The following PRKG1 variants were observed in gnomAD, a reference collection of about 807,000 sequenced individuals.
PRKG1 encodes cGMP-dependent protein kinase 1.
PRKG1 carries 35 observed loss-of-function variants against 88.1 expected under a neutral mutation model. The ratio of observed to expected loss-of-function variants is 0.40; its 90% CI spans 0.30 to 0.53. The LOEUF (loss-of-function observed/expected upper bound fraction) is 0.53, where lower values mean the gene tolerates loss of function less well. Among genes scored for constraint, PRKG1 ranks in the 20% least tolerant of loss-of-function variants. The pLI, the probability that PRKG1 is intolerant of heterozygous loss-of-function variation, is 0.59. For synonymous variants in PRKG1, 303 were observed against 292.5 expected, an observed-to-expected ratio of 1.04 and a Z score of -0.37; for missense variants, 540 against 839.8, an observed-to-expected ratio of 0.64 and a Z score of 4.41.
rs1328644555 is a variant in PRKG1, at chr10:50,999,700, GC to G, written c.266+8058del. On this transcript the variant is annotated intron_variant, in intron 1 of 17. Coordinates refer to the PRKG1 transcript ENST00000401604. ...TATTGTCTAATAAGCAAATCTATAA[GC>G]CTTTGGGTAAATGTTAATATTTTTC... Among the ~76,000 whole-genome samples, 10 of 152,268 alleles carry G rather than the reference GC, an allele frequency of 6.6e-5. No homozygotes were observed. In the South Asian group the frequency reaches 2.1e-3, roughly 32 times the overall value.
intron 5 of PRKG1, among the ~76,000 whole-genome samples, chr10:51,973,751 C>T (rs1384298438): frequency 4.6e-5 from 7 of 152,032 alleles, no homozygotes; most frequent in Admixed American, 4.6e-4. Context: ...AGATCAGAAA[C>T]ACATCACATA....
chr10:51,388,525 A>G (rs1056648829), intron 2 of PRKG1, among the ~76,000 whole-genome samples: 5 of 152,338 alleles, frequency 3.3e-5, no homozygotes, highest in Admixed American at 2.0e-4. Flanking sequence ...CCCTATGAAT[A>G]TGAGAATCAG....
At chr10:51,836,606 AG>A (rs1840137112) in intron 4 of PRKG1, among the ~76,000 whole-genome samples, 1 of 152,164 alleles carries the variant, frequency 6.6e-6, no homozygotes, top group African/African-American at 2.4e-5. Flanking sequence ...AGTGAGACAA[AG>A]GTCTATTTTC....
intron 3 of PRKG1, among the ~76,000 whole-genome samples, chr10:51,785,604 A>G (rs1323317374): frequency 6.6e-6 from 1 of 152,110 alleles, no homozygotes; most frequent in Non-Finnish European, 1.5e-5. Context: ...ACAAGATACC[A>G]GTAACATTAA....
chr10:51,905,948 C>A (rs75550618), intron 4 of PRKG1, among the ~76,000 whole-genome samples: 3,363 of 152,176 alleles, frequency 0.022, 93 homozygotes, highest in Admixed American at 0.065. Context: ...TTAATTCTAG[C>A]AGAGAAGACA....
intron 2 of PRKG1, among the ~76,000 whole-genome samples, chr10:51,180,063 C>A (rs957301652): frequency 6.6e-6 from 1 of 152,152 alleles, no homozygotes; most frequent in African/African-American, 2.4e-5. Context: ...TCAAATGAGA[C>A]CATAGTAATT....
In PRKG1 at chr10:52,139,694, G is replaced by A. The variant is rs1871074; in HGVS notation, c.1001+5789G>A. On this transcript the variant is annotated intron_variant, in intron 8 of 17. Transcript: ENST00000373980. ...GAGGTGCTATTGGTGTTTCTGATAA[G>A]CAACTTGGGATTGGGGGGTAAAGCT... Among the ~76,000 whole-genome samples, 980 of 152,180 alleles carry A rather than the reference G, an allele frequency of 6.4e-3. 32 individuals are homozygous for A. Among genetic ancestry groups the A allele is most frequent in the Admixed American group, 0.044 (671 of 15,262 alleles).
intron 2 of PRKG1, among the ~76,000 whole-genome samples, chr10:51,331,179 T>G (rs1440119267): frequency 1.3e-5 from 2 of 152,078 alleles, no homozygotes; most frequent in East Asian, 1.9e-4. Flanking sequence ...CACCCAGTAC[T>G]GGAACAAGCT....
At chr10:51,945,561 T>C (rs1843010141) in intron 5 of PRKG1, among the ~76,000 whole-genome samples, 1 of 152,014 alleles carries the variant, frequency 6.6e-6, no homozygotes, top group African/African-American at 2.4e-5. Flanking sequence ...CGATGGTCTT[T>C]ACAATTTGGC....
chr10:51,698,844 C>T, intron 3 of PRKG1: 1 of 1,614,166 alleles, frequency 6.2e-7, no homozygotes, highest in East Asian at 2.2e-5. Flanking sequence ...GGCTGAGGAG[C>T]TGGAGGATTC....
At chr10:51,557,523 T>C (rs1341773177) in intron 3 of PRKG1, among the ~76,000 whole-genome samples, 2 of 152,026 alleles carry the variant, frequency 1.3e-5, no homozygotes, top group African/African-American at 2.4e-5. Flanking sequence ...CATACACTCC[T>C]GGAATTTCAG....
At chr10:51,526,505 C>G (rs1841887361) in intron 3 of PRKG1, among the ~76,000 whole-genome samples, 1 of 152,078 alleles carries the variant, frequency 6.6e-6, no homozygotes. Flanking sequence ...CTGAGTCTAC[C>G]AAGACTTTTG....
At chr10:51,383,474 G>T (rs773063140) in intron 2 of PRKG1, among the ~76,000 whole-genome samples, 2 of 152,174 alleles carry the variant, frequency 1.3e-5, no homozygotes, top group Non-Finnish European at 2.9e-5. Flanking sequence ...AAGCCTATGA[G>T]GTAGGGGCTA....
chr10:51,055,737 C>CAA (rs144264152), intron 1 of PRKG1, among the ~76,000 whole-genome samples: 2 of 149,328 alleles, frequency 1.3e-5, no homozygotes, highest in African/African-American at 4.9e-5. Flanking sequence ...GACTCCGTCT[C>CAA]AAAAAAAAAA....
At chr10:51,071,244 G>T (rs10740130), upstream of PRKG1, among the ~76,000 whole-genome samples, 32,608 of 152,172 alleles carry the variant, frequency 0.21, 3,686 homozygotes, top group Admixed American at 0.26. Flanking sequence ...ACACTCAAAA[G>T]GTTGAGATGG....
At chr10:51,447,937 T>A (rs1337548338) in intron 2 of PRKG1, among the ~76,000 whole-genome samples, 2 of 152,070 alleles carry the variant, frequency 1.3e-5, no homozygotes, top group African/African-American at 4.8e-5. Context: ...TATGTATATG[T>A]AATCATTGTT....
intron 3 of PRKG1, chr10:51,695,847 T>G (rs904312319): frequency 1.3e-5 from 2 of 152,200 alleles, no homozygotes; most frequent in African/African-American, 4.8e-5. Context: ...ATTTCTACAT[T>G]TTCAGCTCTT....
intron 4 of PRKG1, among the ~76,000 whole-genome samples, chr10:51,851,084 T>G (rs6480508): frequency 0.31 from 46,918 of 152,006 alleles, 10,239 homozygotes; most frequent in African/African-American, 0.62. Context: ...AAATACATCA[T>G]TAGGAGATTA....
At chr10:52,115,958 G>A (rs969386019) in intron 7 of PRKG1, among the ~76,000 whole-genome samples, 15 of 152,116 alleles carry the variant, frequency 9.9e-5, no homozygotes, top group Admixed American at 2.0e-4. Context: ...ATCAGGCAGC[G>A]CCCTGAACCA....
Sources: gnomAD v4.1 joint callset for allele counts (sites outside exome capture counted in the v4.1 genomes callset) on GRCh38, gnomAD v4.1.1 for gene constraint, MANE v1.5 for transcripts, NCBI Gene and HGNC (gene_info 2026-07-23, HGNC 2026-07-21) for gene names.